The following NBAS variants were observed in gnomAD, a reference collection of about 807,000 sequenced individuals.
The protein encoded by NBAS is NBAS subunit of NRZ tethering complex.
NBAS carries 219 observed loss-of-function variants against 302.5 expected under a neutral mutation model. The observed-to-expected ratio is 0.72, with a 90% CI of 0.65 to 0.81. NBAS has a LOEUF of 0.81. Ranked by LOEUF, NBAS falls within the 30% of genes least tolerant of loss-of-function variation. The probability of loss-of-function intolerance (pLI) is 0.00; values close to 1 mark genes in which losing one functional copy is unlikely to be tolerated. For synonymous variants in NBAS, 1,118 were observed against 1,021.6 expected, an observed-to-expected ratio of 1.09 and a Z score of -1.80; for missense variants, 2,932 against 2,841.6, an observed-to-expected ratio of 1.03 and a Z score of -0.72.
At chr2:15,136,851 T>C in the NBAS span, among the ~76,000 whole-genome samples, 1 of 152,210 alleles carries the variant, frequency 6.6e-6, no homozygotes, top group Admixed American at 6.5e-5. Flanking sequence ...CGGCAGTTCC[T>C]CCTTTACTCC....
chr2:14,847,041 C>A, the NBAS span, among the ~76,000 whole-genome samples: 1 of 152,196 alleles, frequency 6.6e-6, no homozygotes, highest in African/African-American at 2.4e-5. Flanking sequence ...GATGAAAATG[C>A]AAGATCCAAT....
intron 6 of NBAS, among the ~76,000 whole-genome samples, chr2:15,545,185 G>A (rs764083544): frequency 6.6e-6 from 1 of 151,996 alleles, no homozygotes; most frequent in African/African-American, 2.4e-5. Context: ...TAAATTAGAC[G>A]TAATTAACAA....
the NBAS span, among the ~76,000 whole-genome samples, chr2:14,924,740 A>T: frequency 6.6e-6 from 1 of 152,102 alleles, no homozygotes; most frequent in Admixed American, 6.5e-5. Flanking sequence ...CTTATAGGAA[A>T]AGTTGCTGAA....
At chr2:14,842,193 T>A in the NBAS span, among the ~76,000 whole-genome samples, 1 of 151,742 alleles carries the variant, frequency 6.6e-6, no homozygotes, top group Non-Finnish European at 1.5e-5. Context: ...TGTACTAAAA[T>A]GGAAGTTAAT....
chr2:15,179,212 C>CGT lies in NBAS; in HGVS notation c.6712-98_6712-97dup, dbSNP rs200044864. 2.6e-3 allele frequency: 4,003 copies of CGT among 1,544,900 alleles called. 19 individuals carry two copies. The East Asian group carries it at 0.035, about 14-fold the overall frequency. On this transcript the variant is annotated intron_variant, in intron 50 of 51. Transcript: ENST00000281513. ...CATTCCACCCCTTTTTCTGTGGTAG[C>CGT]GTGTGTGTGTGTGTGTAAAGCCACA...
chr2:14,875,938 CA>C, the NBAS span, among the ~76,000 whole-genome samples: 1 of 152,198 alleles, frequency 6.6e-6, no homozygotes, highest in Non-Finnish European at 1.5e-5. Context: ...AATACTGCAT[CA>C]GGCATAGCAG....
chr2:15,135,555 T>C, the NBAS span, among the ~76,000 whole-genome samples: 4 of 152,006 alleles, frequency 2.6e-5, no homozygotes, highest in East Asian at 5.8e-4. Context: ...TGGGGTTGGT[T>C]GGGGTGAAGG....
chr2:15,073,829 G>A, the NBAS span, among the ~76,000 whole-genome samples: 2 of 152,136 alleles, frequency 1.3e-5, no homozygotes, highest in African/African-American at 4.8e-5. Flanking sequence ...CATTTTATGT[G>A]TTTTGATATA....
At chr2:15,269,499 G>A (rs1669223781) in intron 44 of NBAS, among the ~76,000 whole-genome samples, 1 of 152,160 alleles carries the variant, frequency 6.6e-6, no homozygotes, top group Non-Finnish European at 1.5e-5. Context: ...CACAGAATTT[G>A]TTGTCATGAT....
the NBAS span, among the ~76,000 whole-genome samples, chr2:14,988,021 T>C: frequency 2.6e-5 from 4 of 152,158 alleles, no homozygotes; most frequent in African/African-American, 7.2e-5. Flanking sequence ...ATCCATATGA[T>C]AAGGTGTCCG....
intron 31 of NBAS, among the ~76,000 whole-genome samples, chr2:15,368,449 C>T (rs971365556): frequency 1.3e-5 from 2 of 152,102 alleles, no homozygotes; most frequent in Admixed American, 6.6e-5. Flanking sequence ...CCGCCCTCCT[C>T]GACCTCCCAA....
chr2:15,518,759 C>T (rs779929603), intron 9 of NBAS, among the ~76,000 whole-genome samples: 1 of 152,136 alleles, frequency 6.6e-6, no homozygotes, highest in Non-Finnish European at 1.5e-5. Context: ...TACAGCTCCA[C>T]ATGGCTGGGG....
the NBAS span, among the ~76,000 whole-genome samples, chr2:14,840,140 A>T: frequency 1.3e-5 from 2 of 152,020 alleles, no homozygotes; most frequent in Non-Finnish European, 2.9e-5. Context: ...CATTTGCCAA[A>T]TTGAAAAATT....
chr2:14,818,611 A>T, the NBAS span, among the ~76,000 whole-genome samples: 1 of 152,176 alleles, frequency 6.6e-6, no homozygotes, highest in Admixed American at 6.5e-5. Flanking sequence ...CTTTACATAC[A>T]GTGAGCAGTA....
At chr2:14,805,916 G>T in the NBAS span, among the ~76,000 whole-genome samples, 3 of 151,996 alleles carry the variant, frequency 2.0e-5, no homozygotes, top group Non-Finnish European at 4.4e-5. Flanking sequence ...CCAGTATAAT[G>T]CCCTTCAAAA....
the NBAS span, among the ~76,000 whole-genome samples, chr2:14,930,461 A>G: frequency 6.6e-6 from 1 of 152,204 alleles, no homozygotes; most frequent in African/African-American, 2.4e-5. Context: ...CCTGAGAATG[A>G]CTGCAAAAGC....
the NBAS span, among the ~76,000 whole-genome samples, chr2:14,894,852 A>G: frequency 6.6e-6 from 1 of 152,134 alleles, no homozygotes; most frequent in South Asian, 2.1e-4. Context: ...AGGTCAAGAG[A>G]TCGAGACCAT....
chr2:15,234,683 T>C lies in NBAS; in HGVS notation c.6008A>G (p.Asp2003Gly), dbSNP rs755286121. ...LSRSEKEKLH[D>G]EAVAICLDGQ... ...ATCTAAACAAATAGCCACAGCTTCATCATGAAGTTTCTCTTTTTCTGATCG... is the reference window on the plus strand; with the variant it reads ...ATCTAAACAAATAGCCACAGCTTCACCATGAAGTTTCTCTTTTTCTGATCG... The change falls in exon 46 of 52, where the codon GAT becomes GGT. Residue 2003 changes from aspartate (D) to glycine (G), a missense_variant. Transcript: ENST00000281513. 6.2e-7 allele frequency: 1 copy of C among 1,614,174 alleles called. No homozygotes were observed. The highest frequency in any genetic ancestry group is 8.5e-7 in the Non-Finnish European group (1 of 1,180,022).
chr2:15,446,772 G>A (rs1678768009), intron 21 of NBAS, among the ~76,000 whole-genome samples: 1 of 151,648 alleles, frequency 6.6e-6, no homozygotes, highest in Non-Finnish European at 1.5e-5. Context: ...GAGGAAAATG[G>A]AAAAACATTA....
Sources: gnomAD v4.1 joint callset for allele counts (sites outside exome capture counted in the v4.1 genomes callset) on GRCh38, gnomAD v4.1.1 for gene constraint, MANE v1.5 for transcripts, NCBI Gene and HGNC (gene_info 2026-07-23, HGNC 2026-07-21) for gene names.